NMD3: variants seen among roughly 807,000 people sequenced by gnomAD.
The protein encoded by NMD3 is 60S ribosomal export protein NMD3.
NMD3 carries 47 observed loss-of-function variants against 73.1 expected under a neutral mutation model. That is an observed-to-expected ratio of 0.64 (90% CI 0.51 to 0.82). The LOEUF is 0.82. Among genes scored for constraint, NMD3 ranks in the 40% least tolerant of loss-of-function variants. The probability of loss-of-function intolerance (pLI) is 0.00; values close to 1 mark genes in which losing one functional copy is unlikely to be tolerated. For synonymous variants in NMD3, 210 were observed against 194.5 expected (o/e 1.08, Z -0.66); for missense variants, 554 against 612.5 (o/e 0.90, Z 1.01).
Position 161,250,784 on chromosome 3 carries a change from A to C in NMD3, c.1386A>C (p.Ser462=). Reference sequence around the variant, plus strand: ...ATTCTCTTTGTATTTTTTTAGATTCAGCCATCCCTGTGGAAAGTGACACCG... The same window carrying C: ...ATTCTCTTTGTATTTTTTTAGATTCCGCCATCCCTGTGGAAAGTGACACCG... The part of the protein sequence containing the change: ...IRKNVNIYRD[S]AIPVESDTDD... The change falls in exon 16 of 16, where the codon TCA becomes TCC. Residue 462 remains serine, a synonymous_variant. Coordinates refer to ENST00000351193, the MANE Select transcript of NMD3 (RefSeq NM_015938.5). The C allele has an allele frequency of 6.2e-7, 1 of 1,603,580 alleles. No homozygotes were observed. The highest frequency in any genetic ancestry group is 8.5e-7 in the Non-Finnish European group (1 of 1,171,750).
chr3:161,244,338 A>C (rs1011117436), intron 11 of NMD3, among the ~76,000 whole-genome samples: 2 of 152,174 alleles, frequency 1.3e-5, no homozygotes, highest in African/African-American at 2.4e-5. Flanking sequence ...CATGTTACTC[A>C]GGCTGGTCTT....
At position 161,250,283 on chromosome 3, in the gene NMD3, TGAA is replaced by T; in HGVS notation, c.1344_1346del (p.Glu448del). The T allele has an allele frequency of 1.3e-6, 2 of 1,599,436 alleles. No individual in the cohort carries two copies. The highest frequency in any genetic ancestry group is 4.5e-5 in the East Asian group (2 of 44,634). ...AATACCAAGATTTTCTTGAAGATCT[TGAA>T]GAAGATGAGGCAATTCGAAAAAATG... On this transcript the variant is annotated inframe_deletion, in exon 15 of 16. Coordinates refer to ENST00000351193, the MANE Select transcript of NMD3 (RefSeq NM_015938.5).
Position 161,224,919 on chromosome 3 carries a change from A to G in NMD3, c.45-11A>G, listed in dbSNP as rs1315431418. ...ATCTAATGTGAAAAATTTATCCTTT[A>G]TTTATTAAAGCTTGTGCTGTGAGTG... On this transcript the variant is annotated splice_polypyrimidine_tract_variant and intron_variant, in intron 2 of 15. Transcript: ENST00000351193. The G allele has an allele frequency of 1.3e-6, 2 of 1,562,336 alleles. No individual in the cohort carries two copies. Among genetic ancestry groups the G allele is most frequent in the Admixed American group, 2.1e-5 (1 of 47,576 alleles).
At chr3:161,224,654 T>C (rs956225355) in intron 2 of NMD3, among the ~76,000 whole-genome samples, 4 of 152,032 alleles carry the variant, frequency 2.6e-5, no homozygotes, top group African/African-American at 9.7e-5. Flanking sequence ...GCCTGGCTAA[T>C]TTTTGTATTT....
At chr3:161,232,538 G>A (rs1441426402) in intron 4 of NMD3, among the ~76,000 whole-genome samples, 1 of 152,000 alleles carries the variant, frequency 6.6e-6, no homozygotes, top group Non-Finnish European at 1.5e-5. Context: ...TGTTTATTTC[G>A]GTATAGGTAG....
chr3:161,226,251 C>T (rs533835333), intron 3 of NMD3, among the ~76,000 whole-genome samples: 50 of 152,082 alleles, frequency 3.3e-4, no homozygotes, highest in Non-Finnish European at 4.4e-4. Flanking sequence ...GTCAGGAGTT[C>T]GAGACCAGAC....
At chr3:161,242,231 T>C (rs1169910435) in intron 10 of NMD3, among the ~76,000 whole-genome samples, 2 of 152,146 alleles carry the variant, frequency 1.3e-5, no homozygotes, top group African/African-American at 4.8e-5. Context: ...GTACCACTGA[T>C]TGGCTCTGAT....
At chr3:161,238,564 G>T (rs1053159146) in intron 8 of NMD3, among the ~76,000 whole-genome samples, 166 bp from the exon 9 acceptor site, 5 of 152,152 alleles carry the variant, frequency 3.3e-5, no homozygotes, top group Admixed American at 2.0e-4. Context: ...AATGGTGAAG[G>T]TTTTGACATG....
chr3:161,235,006 A>G, intron 6 of NMD3, 116 bp from the exon 7 acceptor site: 9 of 943,358 alleles, frequency 9.5e-6, no homozygotes, highest in Non-Finnish European at 1.3e-5. Context: ...GATAATCTTT[A>G]AAGATTGTTA....
intron 4 of NMD3, among the ~76,000 whole-genome samples, chr3:161,227,872 AT>A (rs541163220): frequency 2.6e-5 from 4 of 151,956 alleles, no homozygotes; most frequent in African/African-American, 9.7e-5. Context: ...ACAGAATTTA[AT>A]TTTTTTCCTT....
At position 161,238,095 on chromosome 3, in the gene NMD3, T is replaced by C. The variant is rs780384210; in HGVS notation, c.578-18T>C. Reference sequence around the variant, plus strand: ...TTTTGCATAATTATTTTCATAGGGCTTTTTTTTTTTTTTTAAGATGGTCTG... The same window carrying C: ...TTTTGCATAATTATTTTCATAGGGCCTTTTTTTTTTTTTTAAGATGGTCTG... On this transcript the variant is annotated intron_variant, in intron 7 of 15. Coordinates refer to ENST00000351193, the MANE Select transcript of NMD3 (RefSeq NM_015938.5). 2.4e-5 allele frequency: 1 copy of C among 41,378 alleles called. No individual in the cohort carries two copies. The highest frequency in any genetic ancestry group is 3.2e-5 in the Non-Finnish European group (1 of 30,902). 2.6% of individuals were successfully genotyped at this position (41,378 alleles called of 1,614,324 possible). A position where few individuals can be genotyped will look rare whatever the true frequency, so the allele number is the denominator to read the frequency against.
rs772302168 is a variant in NMD3 at position 161,251,952 on chromosome 3, A to G, written c.*1042A>G. The G allele has an allele frequency of 6.6e-6, 1 of 152,234 alleles. No individual in the cohort carries two copies. Among genetic ancestry groups the G allele is most frequent in the Non-Finnish European group, 1.5e-5 (1 of 68,036 alleles). 9.4% of individuals were successfully genotyped at this position (152,234 alleles called of 1,614,324 possible). On this transcript the variant is annotated 3_prime_UTR_variant, in exon 16 of 16. Coordinates refer to ENST00000351193, the MANE Select transcript of NMD3 (RefSeq NM_015938.5). ...CAGACTTGTTAAGTATGCCGCAAGT[A>G]AGAGCTAATTCATTCATTCCATGTG...
intron 10 of NMD3, among the ~76,000 whole-genome samples, chr3:161,242,192 A>G (rs766201532): frequency 2.0e-4 from 31 of 152,124 alleles, no homozygotes; most frequent in Non-Finnish European, 3.2e-4. Flanking sequence ...ATACGTTTCT[A>G]AAATAAAGTG....
At chr3:161,252,978 TC>T, downstream of NMD3, 1 of 380,058 alleles carries the variant, frequency 2.6e-6, no homozygotes, top group African/African-American at 2.1e-5. Context: ...GCACACATAG[TC>T]CCAGCTACTC....
chr3:161,223,476 A>T (rs973768400), intron 2 of NMD3, among the ~76,000 whole-genome samples: 12 of 146,864 alleles, frequency 8.2e-5, no homozygotes, highest in Non-Finnish European at 1.3e-4. Flanking sequence ...GTAAATGTTT[A>T]TATTTCAGCA....
Position 161,227,321 on chromosome 3 carries a change from A to G in NMD3, c.254A>G (p.Lys85Arg). 6.2e-7 allele frequency: 1 copy of G among 1,611,828 alleles called. No individual in the cohort carries two copies. The highest frequency in any genetic ancestry group is 1.3e-5 in the African/African-American group (1 of 74,908). The change falls in exon 4 of 16, where the codon AAA (lysine) becomes AGA (arginine). Residue 85 changes from lysine (K) to arginine (R), a missense_variant. Transcript: ENST00000351193. ...GAACTTCTTGCTTTGTGCTTGAAAA[A>G]AATCAAAGCCCCTCTGAGTAAGGTA... is the stretch of plus-strand genomic sequence containing the variant. ...SRELLALCLK[K>R]IKAPLSKVRL...
At chr3:161,238,659 A>T in intron 8 of NMD3, 71 bp from the exon 9 acceptor site, 1 of 769,836 alleles carries the variant, frequency 1.3e-6, no homozygotes, top group Non-Finnish European at 2.3e-6. Context: ...TTTAATGAAA[A>T]TTGATATTCC....
Position 161,247,287 on chromosome 3 carries a change from A to T in NMD3, c.1160A>T (p.Asp387Val). The T allele has an allele frequency of 1.2e-6, 2 of 1,612,162 alleles. No individual in the cohort carries two copies. Among genetic ancestry groups the T allele is most frequent in the Non-Finnish European group, 1.7e-6 (2 of 1,178,468 alleles). ...GFDLANCNLN[D>V]EHVNKMNSDR... is the part of the protein sequence containing the mutation. ...GATTTGGCCAACTGTAACTTAAATG[A>T]TGAGCATGTCAACAAAATGAACTCA... is the stretch of plus-strand genomic sequence containing the variant. The change falls in exon 13 of 16, where the codon GAT becomes GTT. Residue 387 changes from aspartate to valine, a missense_variant. Asp to Val is a radical substitution (Grantham distance 152). Transcript: ENST00000351193.
chr3:161,243,196 A>C (rs1221049987), intron 11 of NMD3, among the ~76,000 whole-genome samples: 2 of 152,202 alleles, frequency 1.3e-5, no homozygotes, highest in African/African-American at 4.8e-5. Flanking sequence ...TTTCCTATAC[A>C]TACATACCTA....
Sources: allele counts gnomAD v4.1 joint callset (sites outside exome capture counted in the v4.1 genomes callset), GRCh38; gene constraint gnomAD v4.1.1; transcripts MANE v1.5; gene names NCBI Gene and HGNC (gene_info 2026-07-23, HGNC 2026-07-21).